The following TMC1 variants were observed in gnomAD, a reference collection of about 807,000 sequenced individuals.
TMC1 encodes transmembrane channel-like protein 1.
TMC1 carries 84 observed loss-of-function variants against 105.8 expected under a neutral mutation model. That is an observed-to-expected ratio of 0.79 (90% CI 0.67 to 0.95). The LOEUF (loss-of-function observed/expected upper bound fraction) is 0.95. TMC1 is among the 40% of genes least tolerant of loss of function. TMC1 has a pLI of 0.00. For synonymous variants in TMC1, 315 were observed against 311.5 expected (o/e 1.01, Z -0.12); for missense variants, 817 against 914.1 (o/e 0.89, Z 1.37).
intron 3 of TMC1, among the ~76,000 whole-genome samples, chr9:72,627,366 C>G (rs1451132541): frequency 6.6e-6 from 1 of 152,086 alleles, no homozygotes; most frequent in Admixed American, 6.5e-5. Flanking sequence ...CAGTGGGGGT[C>G]AAGGCCTCCT....
intron 17 of TMC1, among the ~76,000 whole-genome samples, chr9:72,794,845 A>AATG (rs1828335778): frequency 6.6e-6 from 1 of 152,224 alleles, no homozygotes; most frequent in Admixed American, 6.5e-5. Flanking sequence ...GATTCAGAAG[A>AATG]ATGGCAAAAC....
At chr9:72,607,503 C>G (rs1233685281) in intron 2 of TMC1, among the ~76,000 whole-genome samples, 1 of 151,534 alleles carries the variant, frequency 6.6e-6, no homozygotes, top group East Asian at 1.9e-4. Flanking sequence ...CCTGTAGTCC[C>G]AGCTACTCAG....
At chr9:72,619,515 G>A (rs1177132623) in intron 3 of TMC1, among the ~76,000 whole-genome samples, 1 of 152,052 alleles carries the variant, frequency 6.6e-6, no homozygotes, top group Non-Finnish European at 1.5e-5. Flanking sequence ...TGAATAAATG[G>A]TGAAATGTGA....
intron 2 of TMC1, among the ~76,000 whole-genome samples, chr9:72,599,466 A>C (rs1824770874): frequency 6.6e-6 from 1 of 152,250 alleles, no homozygotes; most frequent in Non-Finnish European, 1.5e-5. Flanking sequence ...GATCTCAGTT[A>C]CAAAAAGCCT....
At chr9:72,755,079 AG>A (rs1303783928) in intron 12 of TMC1, among the ~76,000 whole-genome samples, 195 bp downstream of exon 12, 3 of 148,258 alleles carry the variant, frequency 2.0e-5, no homozygotes, top group African/African-American at 7.7e-5. Flanking sequence ...AGGGAGAGAG[AG>A]AGAGAGAGAG....
chr9:72,718,586 G>T (rs1334469318), intron 8 of TMC1, among the ~76,000 whole-genome samples: 1 of 152,222 alleles, frequency 6.6e-6, no homozygotes, highest in East Asian at 1.9e-4. Context: ...GTGGATACCA[G>T]CATCTGGTCC....
At chr9:72,662,560 T>C (rs554316816) in intron 5 of TMC1, among the ~76,000 whole-genome samples, 2 of 152,222 alleles carry the variant, frequency 1.3e-5, no homozygotes, top group Admixed American at 6.5e-5. Flanking sequence ...CCATTCTGTC[T>C]CTTTAGGAAG....
intron 17 of TMC1, among the ~76,000 whole-genome samples, chr9:72,804,464 C>G (rs981650277): frequency 2.6e-5 from 4 of 152,146 alleles, no homozygotes. Context: ...TCCAGCATCA[C>G]GATAGCATTT....
intron 17 of TMC1, among the ~76,000 whole-genome samples, chr9:72,802,359 G>A (rs545501078): frequency 4.3e-4 from 66 of 152,122 alleles, no homozygotes; most frequent in African/African-American, 1.6e-3. Context: ...AATAACCACA[G>A]GAATACTATC....
intron 13 of TMC1, among the ~76,000 whole-genome samples, chr9:72,777,793 AAGAC>A (rs1248801926): frequency 1.3e-5 from 2 of 152,250 alleles, no homozygotes; most frequent in African/African-American, 4.8e-5. Context: ...CATAATGACA[AAGAC>A]AGAACTAAAC....
chr9:72,793,653 TG>T (rs938184163), intron 17 of TMC1, among the ~76,000 whole-genome samples: 3 of 152,092 alleles, frequency 2.0e-5, no homozygotes, highest in African/African-American at 4.8e-5. Flanking sequence ...CTTCCAGAGG[TG>T]GGGGCAGGCT....
rs150975878 is a variant in TMC1 at position 72,528,576 on chromosome 9, C to T, written c.-428+6663C>T. On this transcript the variant is annotated intron_variant, in intron 1 of 23. Coordinates refer to ENST00000297784, the MANE Select transcript of TMC1 (RefSeq NM_138691.3). ...CTCGAACTCCTGACCTCAGGTGATC[C>T]ACCCGCCTCGGCCTCCCAAAGTGCT... Among the ~76,000 whole-genome samples the T allele has an allele frequency of 4.7e-3, 718 of 152,178 alleles. 9 individuals are homozygous for T. The highest frequency in any genetic ancestry group is 0.017 in the African/African-American group (689 of 41,500).
chr9:72,560,715 G>A (rs1174682396), intron 1 of TMC1, among the ~76,000 whole-genome samples: 3 of 151,642 alleles, frequency 2.0e-5, no homozygotes, highest in Non-Finnish European at 4.4e-5. Context: ...AGCCAGGATG[G>A]TCTCTTGATC....
In TMC1 at chr9:72,836,031, A is replaced by C. The variant is rs1164887447; in HGVS notation, c.*58A>C. On this transcript the variant is annotated 3_prime_UTR_variant, in exon 24 of 24. Transcript: ENST00000297784. ...TTGCCTTGCTGTTTAAAAGTAATGC[A>C]ATATGTGAACGCCCAGAGAACAAGC... 6.3e-7 allele frequency: 1 copy of C among 1,583,538 alleles called. No individual in the cohort carries two copies. Among genetic ancestry groups the C allele is most frequent in the Non-Finnish European group, 8.6e-7 (1 of 1,157,390 alleles).
chr9:72,639,664 G>A (rs1336935809), intron 4 of TMC1, among the ~76,000 whole-genome samples: 4 of 152,084 alleles, frequency 2.6e-5, no homozygotes, highest in African/African-American at 9.7e-5. Flanking sequence ...TAATTACTCT[G>A]ACATTTGTTA....
chr9:72,695,686 T>A (rs1380816894), intron 7 of TMC1, among the ~76,000 whole-genome samples: 7 of 152,252 alleles, frequency 4.6e-5, no homozygotes, highest in Middle Eastern at 3.4e-3. Flanking sequence ...TATAAATGAT[T>A]GTCATTAAAA....
chr9:72,786,392 C>A (rs1340966157), intron 13 of TMC1, among the ~76,000 whole-genome samples: 2 of 152,064 alleles, frequency 1.3e-5, no homozygotes, highest in African/African-American at 4.8e-5. Flanking sequence ...TGCATTGAGC[C>A]GAGATCGCGC....
At position 72,751,954 on chromosome 9, in the gene TMC1, G is replaced by C. The variant is rs1564531010; in HGVS notation, c.640G>C (p.Glu214Gln). Residue 214 changes from glutamate (E) to glutamine (Q), a missense_variant and splice_region_variant, in exon 11 of 24, where the codon GAG becomes CAG. Glu to Gln is a conservative substitution (Grantham distance 29). Coordinates refer to ENST00000297784, the MANE Select transcript of TMC1 (RefSeq NM_138691.3). ...ILTFSLIMLP[E>Q]YLWGLPYGSL... ...GACATTTAGCCTCATCATGTTGCCA[G>C]AGGTGAGATCTGACTTCCAGTTTAC... The C allele has an allele frequency of 6.3e-7, 1 of 1,592,090 alleles. No individual in the cohort carries two copies. Among genetic ancestry groups the C allele is most frequent in the Admixed American group, 1.7e-5 (1 of 59,982 alleles).
At chr9:72,813,719 A>C (rs1161702571) in intron 18 of TMC1, among the ~76,000 whole-genome samples, 1 of 152,228 alleles carries the variant, frequency 6.6e-6, no homozygotes, top group African/African-American at 2.4e-5. Context: ...CATGGGCCAT[A>C]GTATGCTGAC....
Sources: allele counts gnomAD v4.1 joint callset (sites outside exome capture counted in the v4.1 genomes callset), GRCh38; gene constraint gnomAD v4.1.1; transcripts MANE v1.5; gene names NCBI Gene and HGNC (gene_info 2026-07-23, HGNC 2026-07-21).